DCLRE1C: variants seen among roughly 807,000 people sequenced by gnomAD.
DCLRE1C encodes protein artemis.
DCLRE1C carries 47 observed loss-of-function variants against 61.4 expected under a neutral mutation model. The ratio of observed to expected loss-of-function variants is 0.77; its 90% confidence interval spans 0.61 to 0.98. The LOEUF is 0.98. Ranked by LOEUF, DCLRE1C falls within the 50% of genes least tolerant of loss-of-function variation. The pLI is 0.00. For synonymous variants in DCLRE1C, 337 were observed against 287.6 expected (o/e 1.17, Z -1.74); for missense variants, 858 against 816.0 (o/e 1.05, Z -0.63).
At chr10:14,929,424 T>TAA (rs368867735) in intron 9 of DCLRE1C, among the ~76,000 whole-genome samples, 32 of 144,338 alleles carry the variant, frequency 2.2e-4, no homozygotes, top group Non-Finnish European at 2.7e-4. Context: ...TTTTTTTTAA[T>TAA]TAAAAAAAAA....
Position 14,907,174 on chromosome 10 carries a change from T to G in DCLRE1C, c.*1234A>C, listed in dbSNP as rs1013825062. ...CACCATTTAATTCTTGAGCATTTTC[T>G]TTTATATTCTAATTGTCCGCTTCTA... On this transcript the variant is annotated 3_prime_UTR_variant, in exon 14 of 14. Transcript: ENST00000378278. Among the ~76,000 whole-genome samples the G allele has an allele frequency of 6.6e-6, 1 of 151,948 alleles. No individual in the cohort carries two copies. Among genetic ancestry groups the G allele is most frequent in the African/African-American group, 2.4e-5 (1 of 41,336 alleles).
chr10:14,908,593 CG>C lies in DCLRE1C; in HGVS notation c.1893del (p.Glu632ArgfsTer6). 1 of 1,614,110 alleles carries C rather than the reference CG, an allele frequency of 6.2e-7. No individual in the cohort carries two copies. The highest frequency in any genetic ancestry group is 1.7e-5 in the Admixed American group (1 of 60,010). ...CTAAGATTTAGCAAACTTTTTTCCT[CG>C]GGTATATGTGTCTCACTGCTTAGAG... ...PTTLSSETHIPEEKSLLNLST... is the reference protein window; with the variant it reads ...PTTLSSETHIXEEKSLLNLST... On this transcript the variant is annotated frameshift_variant, in exon 14 of 14. Coordinates refer to ENST00000378278, the MANE Select transcript of DCLRE1C (RefSeq NM_001033855.3). LOFTEE classifies it high-confidence loss of function.
chr10:14,919,925 T>C, intron 12 of DCLRE1C, 93 bp from the exon 13 acceptor site: 3 of 1,070,516 alleles, frequency 2.8e-6, no homozygotes, highest in South Asian at 2.6e-5. Context: ...TTGATTTTGT[T>C]TTTTAATTTC....
rs1834369115 is a variant in DCLRE1C, at chr10:14,906,070, T to C, written c.*2338A>G. Among the ~76,000 whole-genome samples the C allele has an allele frequency of 6.6e-6, 1 of 152,244 alleles. No individual in the cohort carries two copies. Among genetic ancestry groups the C allele is most frequent in the South Asian group, 2.1e-4 (1 of 4,836 alleles). On this transcript the variant is annotated 3_prime_UTR_variant, in exon 14 of 14. Transcript: ENST00000378278. ...AAGTAGCTGCTACAATTAACCCTGC[T>C]CATGTTTATACTTTTTTGGAGAGAC...
intron 13 of DCLRE1C, among the ~76,000 whole-genome samples, chr10:14,914,279 A>T (rs956823596): frequency 1.3e-5 from 2 of 152,220 alleles, no homozygotes; most frequent in African/African-American, 4.8e-5. Context: ...TTACCAGGGG[A>T]TAGACTCATT....
At chr10:14,918,375 G>A (rs946817478) in intron 13 of DCLRE1C, among the ~76,000 whole-genome samples, 9 of 152,228 alleles carry the variant, frequency 5.9e-5, no homozygotes, top group South Asian at 2.1e-4. Flanking sequence ...TAACCCAGAC[G>A]TACTATATGA....
At chr10:14,898,202 CTTTTTTTTTTTTTTT>C (rs919860514) in exon 14 of DCLRE1C, 6 of 56,150 alleles carry the variant, frequency 1.1e-4, no homozygotes, top group South Asian at 5.8e-4. Flanking sequence ...AGTACTGTTT[CTTTTTTTTTTTTTTT>C]TTTTTTTTTT....
chr10:14,940,313 C>G (rs2254954), intron 3 of DCLRE1C, among the ~76,000 whole-genome samples: 117,150 of 146,130 alleles, frequency 0.8, 47,541 homozygotes, highest in African/African-American at 0.94. Flanking sequence ...TTCTCAGATG[C>G]ATTCTCGCTC....
In DCLRE1C at chr10:14,907,444, T is replaced by C. The variant is rs1026329617; in HGVS notation, c.*964A>G. 1.3e-5 allele frequency among the ~76,000 whole-genome samples: 2 copies of C among 152,016 alleles called. No homozygotes were observed. Among genetic ancestry groups the C allele is most frequent in the African/African-American group, 4.8e-5 (2 of 41,382 alleles). ...CAATTTAATCCAGTCGGCTTATGAT[T>C]TTCAGTTCTATATTCTTACTGATTA... On this transcript the variant is annotated 3_prime_UTR_variant, in exon 14 of 14. Coordinates refer to ENST00000378278, the MANE Select transcript of DCLRE1C (RefSeq NM_001033855.3).
intron 9 of DCLRE1C, among the ~76,000 whole-genome samples, chr10:14,928,781 A>ATGGTGTT (rs1424324414): frequency 6.9e-6 from 1 of 144,038 alleles, no homozygotes; most frequent in Non-Finnish European, 1.5e-5. Context: ...CGAAGGGTGT[A>ATGGTGTT]TGGTGTTTTT....
chr10:14,930,134 C>T (rs530991847), intron 9 of DCLRE1C, among the ~76,000 whole-genome samples: 24 of 152,060 alleles, frequency 1.6e-4, no homozygotes, highest in African/African-American at 5.3e-4. Context: ...TTACTTGAGA[C>T]GGGGTTTCAC....
chr10:14,902,782 A>G (rs1187291373), downstream of DCLRE1C: 1 of 216,006 alleles, frequency 4.6e-6, no homozygotes, highest in Non-Finnish European at 9.3e-6. Context: ...TGTGTACTTA[A>G]GTCTATGTGA....
chr10:14,910,780 C>CAG (rs41300656), intron 13 of DCLRE1C, among the ~76,000 whole-genome samples: 36,971 of 151,862 alleles, frequency 0.24, 7,738 homozygotes, highest in African/African-American at 0.56. Flanking sequence ...GATGGAGTAA[C>CAG]GGACTAGATT....
At chr10:14,911,967 C>T (rs975805743) in intron 13 of DCLRE1C, among the ~76,000 whole-genome samples, 12 of 152,206 alleles carry the variant, frequency 7.9e-5, no homozygotes, top group African/African-American at 2.4e-4. Flanking sequence ...GGAATCTTTA[C>T]ATATTGCCGG....
chr10:14,932,973 T>C lies in DCLRE1C; in HGVS notation c.679-18A>G, dbSNP rs1410926623. 1 of 1,610,114 alleles carries C rather than the reference T, an allele frequency of 6.2e-7. No homozygotes were observed. On this transcript the variant is annotated intron_variant, in intron 8 of 13. Transcript: ENST00000378278. ...ACATGAACCTAAGGCAAATAATACA[T>C]ACATGCAAATTATGTGAAATGTATT...
chr10:14,927,782 GTCTCCAACCA>G (rs1838272696), intron 10 of DCLRE1C, among the ~76,000 whole-genome samples: 2 of 152,176 alleles, frequency 1.3e-5, no homozygotes, highest in Non-Finnish European at 2.9e-5. Context: ...GATGCCTTCA[GTCTCCAACCA>G]TCTCATCAAC....
At chr10:14,911,957 G>A (rs910329816) in intron 13 of DCLRE1C, among the ~76,000 whole-genome samples, 1 of 152,192 alleles carries the variant, frequency 6.6e-6, no homozygotes, top group African/African-American at 2.4e-5. Flanking sequence ...TGAAGGAACT[G>A]GAATCTTTAC....
intron 13 of DCLRE1C, 24 bp from the exon 14 acceptor site, chr10:14,909,354 T>TA (rs1834865787): frequency 6.2e-7 from 1 of 1,608,832 alleles, no homozygotes; most frequent in South Asian, 1.1e-5. Context: ...AAAACAGGTT[T>TA]ATAGGAAACA....
At chr10:14,918,919 T>C (rs1486384432) in intron 13 of DCLRE1C, among the ~76,000 whole-genome samples, 1 of 152,204 alleles carries the variant, frequency 6.6e-6, no homozygotes, top group Non-Finnish European at 1.5e-5. Context: ...TTCTTGCTAG[T>C]CCTTAGGGAC....
Sources: gnomAD v4.1 joint callset for allele counts (sites outside exome capture counted in the v4.1 genomes callset) on GRCh38, gnomAD v4.1.1 for gene constraint, MANE v1.5 for transcripts, NCBI Gene and HGNC (gene_info 2026-07-23, HGNC 2026-07-21) for gene names.